The following CDCA2 variants were observed in gnomAD, a reference collection of about 807,000 sequenced individuals.
CDCA2 encodes the protein cell division cycle-associated protein 2.
A neutral mutation model predicts 67.0 loss-of-function variants in CDCA2; 44 were observed. That is an observed-to-expected ratio of 0.66 (90% CI 0.52 to 0.84). The LOEUF (loss-of-function observed/expected upper bound fraction) is 0.84. Among genes scored for constraint, CDCA2 ranks in the 40% least tolerant of loss-of-function variants. The probability of loss-of-function intolerance (pLI) is 0.00; values close to 1 mark genes in which losing one functional copy is unlikely to be tolerated. For synonymous variants in CDCA2, 447 were observed against 418.7 expected (o/e 1.07, Z -0.82); for missense variants, 1,253 against 1,203.2 (o/e 1.04, Z -0.61).
intron 7 of CDCA2, chr8:25,479,702 G>A (rs1803490849): frequency 1.8e-6 from 1 of 565,342 alleles, no homozygotes; most frequent in Non-Finnish European, 3.2e-6. Flanking sequence ...ACCCTTCGTA[G>A]TCCGATTTGA....
chr8:25,478,110 G>A (rs1330175309), intron 7 of CDCA2, among the ~76,000 whole-genome samples: 2 of 150,826 alleles, frequency 1.3e-5, no homozygotes, highest in Non-Finnish European at 3.0e-5. Context: ...TTTTTGGTAG[G>A]TACAGGATCC....
intron 12 of CDCA2, 115 bp downstream of exon 12, chr8:25,487,449 A>T (rs571303097): frequency 7.0e-5 from 51 of 723,476 alleles, no homozygotes; most frequent in Non-Finnish European, 1.0e-4. Flanking sequence ...GTCATTAAGA[A>T]TTAATACTTT....
intron 8 of CDCA2, among the ~76,000 whole-genome samples, chr8:25,480,536 T>C (rs1479678503): frequency 1.3e-5 from 2 of 152,218 alleles, no homozygotes; most frequent in Admixed American, 6.5e-5. Context: ...GTACCTCTTA[T>C]AGCCATCCTT....
intron 13 of CDCA2, among the ~76,000 whole-genome samples, chr8:25,490,932 A>AAATAGC (rs1361955001): frequency 6.6e-6 from 1 of 152,206 alleles, no homozygotes; most frequent in African/African-American, 2.4e-5. Context: ...TGAATAGAAC[A>AAATAGC]AATAGCATGA....
chr8:25,479,586 G>A (rs1563269466), intron 7 of CDCA2: 2 of 323,090 alleles, frequency 6.2e-6, no homozygotes, highest in South Asian at 3.2e-5. Context: ...CAAGTAGTGG[G>A]TGTCATGAGT....
At chr8:25,463,313 T>G (rs1260517413) in intron 4 of CDCA2, among the ~76,000 whole-genome samples, 1 of 152,220 alleles carries the variant, frequency 6.6e-6, no homozygotes, top group Non-Finnish European at 1.5e-5. Flanking sequence ...TAATGACATT[T>G]TGTTCAGTGA....
intron 14 of CDCA2, among the ~76,000 whole-genome samples, chr8:25,504,036 A>G (rs1429353300): frequency 6.6e-6 from 1 of 152,112 alleles, no homozygotes; most frequent in African/African-American, 2.4e-5. Context: ...AAAAAAAGGA[A>G]CAAAAAAAGT....
At chr8:25,467,156 T>G (rs11779721) in intron 5 of CDCA2, among the ~76,000 whole-genome samples, 53,823 of 148,808 alleles carry the variant, frequency 0.36, 9,656 homozygotes, top group South Asian at 0.37. Context: ...TTTTTCAGTC[T>G]TTTTTTTTTC....
At chr8:25,501,180 C>CA (rs1804460586) in intron 13 of CDCA2, among the ~76,000 whole-genome samples, 1 of 152,292 alleles carries the variant, frequency 6.6e-6, no homozygotes, top group African/African-American at 2.4e-5. Flanking sequence ...CATAGAATTT[C>CA]ATGTTAAATG....
chr8:25,477,155 C>G (rs1458003996), intron 7 of CDCA2, among the ~76,000 whole-genome samples: 1 of 152,168 alleles, frequency 6.6e-6, no homozygotes, highest in African/African-American at 2.4e-5. Context: ...TGGCTGCCAA[C>G]CCAGTGGTAG....
chr8:25,463,201 T>C (rs1335901653), intron 4 of CDCA2, among the ~76,000 whole-genome samples: 1 of 152,150 alleles, frequency 6.6e-6, no homozygotes, highest in Non-Finnish European at 1.5e-5. Context: ...GACAACCTTG[T>C]GGAGAGGAGT....
chr8:25,502,778 T>C (rs1186122364), intron 13 of CDCA2, among the ~76,000 whole-genome samples: 1 of 152,152 alleles, frequency 6.6e-6, no homozygotes, highest in Non-Finnish European at 1.5e-5. Context: ...TTTTTTCATT[T>C]ATCCAGCCCT....
intron 13 of CDCA2, among the ~76,000 whole-genome samples, chr8:25,492,369 C>T (rs934009360): frequency 2.0e-5 from 3 of 152,274 alleles, no homozygotes; most frequent in Non-Finnish European, 4.4e-5. Context: ...AAAGGGAAAT[C>T]GCTGGTTGTA....
chr8:25,474,873 G>A (rs1301806679), intron 7 of CDCA2, among the ~76,000 whole-genome samples: 2 of 152,172 alleles, frequency 1.3e-5, no homozygotes, highest in Admixed American at 6.5e-5. Flanking sequence ...GTGGATTCGG[G>A]CTTGCCTCCC....
At chr8:25,502,569 C>G (rs1023286692) in intron 13 of CDCA2, among the ~76,000 whole-genome samples, 4 of 151,828 alleles carry the variant, frequency 2.6e-5, no homozygotes, top group Non-Finnish European at 5.9e-5. Context: ...TTTGAATCTG[C>G]AGGTTCAGCT....
chr8:25,460,646 AT>A (rs1802646254), intron 3 of CDCA2, 92 bp downstream of exon 3: 18 of 1,333,714 alleles, frequency 1.3e-5, no homozygotes, highest in Non-Finnish European at 1.8e-5. Context: ...GTACTGTCAT[AT>A]TTTAGGTACC....
chr8:25,484,202 G>C lies in CDCA2; in HGVS notation c.1357G>C (p.Glu453Gln), dbSNP rs1168921014. The change falls in exon 10 of 15, where the codon GAG becomes CAG. Residue 453 changes from glutamate to glutamine, a missense_variant. Physicochemically the swap from Glu to Gln is conservative, Grantham distance 29 (BLOSUM62 2). Transcript: ENST00000330560. The part of the protein sequence containing the change: ...LPQPDFDDKG[E>Q]NLENIEPLQV... ...TCAACCAGATTTTGATGACAAGGGG[G>C]AGAATCTTGTAAGTATGAAAAGCGT... The C allele has an allele frequency of 6.2e-7, 1 of 1,613,852 alleles. No individual in the cohort carries two copies. Among genetic ancestry groups the C allele is most frequent in the South Asian group, 1.1e-5 (1 of 91,068 alleles).
Position 25,497,994 on chromosome 8 carries a change from C to G in CDCA2, c.1672-5379C>G, listed in dbSNP as rs1804302779. Among the ~76,000 whole-genome samples the G allele has an allele frequency of 2.0e-5, 3 of 151,886 alleles. 1 individual carries two copies. The South Asian group carries it at 6.2e-4, about 31-fold the overall frequency. On this transcript the variant is annotated intron_variant, in intron 13 of 14. Transcript: ENST00000330560. ...TAGGAAAAATGCCTCAATTTACTCA[C>G]CAAATAAATGTCAAGGGAAGTAAAA... is the stretch of plus-strand genomic sequence containing the variant.
intron 12 of CDCA2, among the ~76,000 whole-genome samples, chr8:25,487,893 A>G (rs994237050): frequency 1.6e-4 from 24 of 152,200 alleles, no homozygotes; most frequent in Admixed American, 1.3e-3. Context: ...TTTGGGATCT[A>G]TATGATTTTA....
Sources: allele counts gnomAD v4.1 joint callset (sites outside exome capture counted in the v4.1 genomes callset), GRCh38; gene constraint gnomAD v4.1.1; transcripts MANE v1.5; gene names NCBI Gene and HGNC (gene_info 2026-07-23, HGNC 2026-07-21).